The following ATP9B variants were observed in gnomAD, a reference collection of about 807,000 sequenced individuals.
ATP9B encodes probable phospholipid-transporting ATPase IIB.
ATP9B carries 110 observed loss-of-function variants against 146.1 expected under a neutral mutation model. The observed-to-expected ratio is 0.75, with a 90% confidence interval of 0.65 to 0.88. The LOEUF (loss-of-function observed/expected upper bound fraction) is 0.88, where lower values mean the gene tolerates loss of function less well. Among genes scored for constraint, ATP9B ranks in the 40% least tolerant of loss-of-function variants. ATP9B has a pLI of 0.00. For missense variants in ATP9B, 1,499 were observed against 1,496.4 expected (o/e 1.00, Z -0.03); for synonymous variants, 604 against 569.7 (o/e 1.06, Z -0.86).
At chr18:79,192,873 A>T (rs2095381416) in intron 8 of ATP9B, among the ~76,000 whole-genome samples, 1 of 152,110 alleles carries the variant, frequency 6.6e-6, no homozygotes, top group Non-Finnish European at 1.5e-5. Context: ...TGACTTCAAG[A>T]TACTCCTAAA....
chr18:79,169,341 G>A (rs1298128716), intron 7 of ATP9B, among the ~76,000 whole-genome samples: 2 of 152,134 alleles, frequency 1.3e-5, no homozygotes, highest in Non-Finnish European at 2.9e-5. Flanking sequence ...ACCTAACACT[G>A]TTAAGGTCAG....
intron 1 of ATP9B, among the ~76,000 whole-genome samples, chr18:79,088,007 G>C (rs1311181713): frequency 6.6e-6 from 1 of 152,068 alleles, no homozygotes; most frequent in Non-Finnish European, 1.5e-5. Flanking sequence ...TTAAGATTCT[G>C]CGCTTTTCCT....
chr18:79,176,746 C>G (rs1325423312), intron 7 of ATP9B, 67 bp from the exon 8 acceptor site: 1 of 1,312,218 alleles, frequency 7.6e-7, no homozygotes. Context: ...TTTGATGGCA[C>G]CTGTAGCTCA....
In ATP9B at chr18:79,176,075, GCT is replaced by G. The variant is rs574665502; in HGVS notation, c.779-737_779-736del. Among the ~76,000 whole-genome samples the G allele has an allele frequency of 1.1e-3, 175 of 152,174 alleles. 3 individuals are homozygous for G. Among genetic ancestry groups the G allele is most frequent in the African/African-American group, 4.1e-3 (169 of 41,500 alleles). On this transcript the variant is annotated intron_variant, in intron 7 of 29. Coordinates refer to ENST00000426216, the MANE Select transcript of ATP9B (RefSeq NM_198531.5). Reference sequence around the variant, plus strand: ...ACAGTGTATTGAGGTCATCTTGTTTGCTTTACTTTCTTCTCTCTGTATTGCCG... The same window carrying G: ...ACAGTGTATTGAGGTCATCTTGTTTGTTACTTTCTTCTCTCTGTATTGCCG...
At chr18:79,115,076 A>T (rs1271812801) in intron 4 of ATP9B, 2 of 151,212 alleles carry the variant, frequency 1.3e-5, no homozygotes, top group Non-Finnish European at 1.5e-5. Context: ...GCAAAGTCTC[A>T]GGATACAAAA....
At chr18:79,359,318 T>C (rs1486121902) in intron 25 of ATP9B, 36 bp from the exon 26 acceptor site, 1 of 1,496,918 alleles carries the variant, frequency 6.7e-7, no homozygotes, top group South Asian at 1.1e-5. Flanking sequence ...GGTAGAAGTT[T>C]CTCACGCCCA....
At chr18:79,129,940 C>A (rs2147238418) in intron 5 of ATP9B, among the ~76,000 whole-genome samples, 1 of 152,208 alleles carries the variant, frequency 6.6e-6, no homozygotes, top group East Asian at 1.9e-4. Flanking sequence ...TGGGGTTTCG[C>A]CATGTTGGCC....
chr18:79,338,199 C>T (rs1035235372), intron 19 of ATP9B, among the ~76,000 whole-genome samples: 1 of 152,238 alleles, frequency 6.6e-6, no homozygotes, highest in African/African-American at 2.4e-5. Context: ...GTCACAAACT[C>T]AGCACAAAAG....
At chr18:79,096,363 T>G in intron 1 of ATP9B, 113 bp from the exon 2 acceptor site, 2 of 1,014,180 alleles carry the variant, frequency 2.0e-6, no homozygotes, top group Non-Finnish European at 2.9e-6. Context: ...TTATTTATAA[T>G]GCTTTCCCTC....
chr18:79,154,648 A>G (rs1427451023), intron 7 of ATP9B, 93 bp downstream of exon 7: 1 of 768,690 alleles, frequency 1.3e-6, no homozygotes, highest in South Asian at 2.6e-5. Flanking sequence ...TTTTCCTTAC[A>G]TTTTTAGTAT....
At chr18:79,127,405 C>G (rs1276908386) in intron 5 of ATP9B, among the ~76,000 whole-genome samples, 1 of 152,016 alleles carries the variant, frequency 6.6e-6, no homozygotes, top group Non-Finnish European at 1.5e-5. Flanking sequence ...CCGCCGTTCT[C>G]CTTTCTGTCT....
chr18:79,253,031 CTG>C (rs906767318), intron 11 of ATP9B, among the ~76,000 whole-genome samples: 3 of 152,234 alleles, frequency 2.0e-5, no homozygotes, highest in African/African-American at 7.2e-5. Context: ...CCTCAGAACT[CTG>C]TGTTCCCCTG....
At chr18:79,073,419 G>T (rs2072198270) in intron 1 of ATP9B, among the ~76,000 whole-genome samples, 1 of 152,242 alleles carries the variant, frequency 6.6e-6, no homozygotes, top group African/African-American at 2.4e-5. Flanking sequence ...TCGAAGTCAG[G>T]AGCCGGAGAC....
intron 11 of ATP9B, among the ~76,000 whole-genome samples, chr18:79,217,921 A>T (rs542965599): frequency 6.6e-6 from 1 of 152,334 alleles, no homozygotes; most frequent in African/African-American, 2.4e-5. Context: ...TGTTTCTAAC[A>T]CTCAATTCTG....
intron 8 of ATP9B, among the ~76,000 whole-genome samples, chr18:79,192,107 C>G (rs999648086): frequency 4.6e-5 from 7 of 152,202 alleles, no homozygotes; most frequent in Middle Eastern, 3.4e-3. Context: ...AGAATGAGAT[C>G]ATACACAGAT....
At chr18:79,349,758 G>A (rs986933642) in intron 25 of ATP9B, among the ~76,000 whole-genome samples, 11 of 152,042 alleles carry the variant, frequency 7.2e-5, no homozygotes, top group African/African-American at 2.2e-4. Context: ...GCACAGAGCT[G>A]GCACTTGGGT....
chr18:79,328,772 A>G (rs1470977709), intron 15 of ATP9B, among the ~76,000 whole-genome samples: 2 of 152,022 alleles, frequency 1.3e-5, no homozygotes, highest in African/African-American at 4.8e-5. Context: ...CTGGGGAGGG[A>G]GAAACCTTGA....
intron 11 of ATP9B, among the ~76,000 whole-genome samples, chr18:79,223,461 C>T (rs1276918238): frequency 1.3e-5 from 2 of 152,108 alleles, no homozygotes; most frequent in Admixed American, 1.3e-4. Context: ...ATGTGCTTCA[C>T]CAAAGAGCTA....
At chr18:79,092,437 A>G (rs1382259868) in intron 1 of ATP9B, among the ~76,000 whole-genome samples, 1 of 152,202 alleles carries the variant, frequency 6.6e-6, no homozygotes, top group Non-Finnish European at 1.5e-5. Context: ...TACAGGACAC[A>G]AATTTACAGT....
Sources: allele counts gnomAD v4.1 joint callset (sites outside exome capture counted in the v4.1 genomes callset), GRCh38; gene constraint gnomAD v4.1.1; transcripts MANE v1.5; gene names NCBI Gene and HGNC (gene_info 2026-07-23, HGNC 2026-07-21).